Variants in SOX6 observed in about 807,000 individuals in gnomAD.
SOX6 encodes the protein transcription factor SOX-6.
In SOX6, 11 loss-of-function variants were observed where a neutral mutation model predicts 97.8. The observed-to-expected ratio is 0.11, with a 90% CI of 0.07 to 0.19. The LOEUF is 0.19. SOX6 is among the 10% of genes least tolerant of loss of function. SOX6 has a pLI of 1.00. For missense variants in SOX6, 810 were observed against 1,039.5 expected, an observed-to-expected ratio of 0.78 and a Z score of 3.04; for synonymous variants, 360 against 371.4, an observed-to-expected ratio of 0.97 and a Z score of 0.35.
intron 6 of SOX6, among the ~76,000 whole-genome samples, chr11:16,171,851 A>G (rs1047265955): frequency 6.6e-5 from 10 of 152,022 alleles, no homozygotes; most frequent in African/African-American, 2.2e-4. Flanking sequence ...TCTACCACAC[A>G]TCAGAAATGA....
intron 3 of SOX6, among the ~76,000 whole-genome samples, chr11:16,295,493 C>A (rs1266957858): frequency 2.6e-5 from 4 of 152,018 alleles, no homozygotes; most frequent in Non-Finnish European, 5.9e-5. Context: ...ACCACCCCCC[C>A]TCATCTTTCC....
Position 16,186,788 on chromosome 11 carries a change from C to T in SOX6, c.703G>A (p.Glu235Lys). 2 of 1,612,960 alleles carry T rather than the reference C, an allele frequency of 1.2e-6. No homozygotes were observed. The highest frequency in any genetic ancestry group is 2.2e-5 in the East Asian group (1 of 44,876). Residue 235 changes from glutamate to lysine, a missense_variant, in exon 5 of 16, where the codon GAA (glutamate) becomes AAA (lysine). Physicochemically the swap from Glu to Lys is moderately conservative, Grantham distance 56. This residue lies in a region of SOX6 where 110 missense variants were observed against 119.0 expected (regional missense o/e 0.92). Coordinates refer to ENST00000683767, the MANE Select transcript of SOX6 (RefSeq NM_001367873.1). ...QQMDLARQQQ[E>K]QIARQQQQLL... ...GTGCCTTTTGCAGGGCTCACCTGTT[C>T]TTGCTGTTGGCGAGCAAGGTCCATT...
At chr11:16,376,155 T>C (rs139012903) in intron 1 of SOX6, among the ~76,000 whole-genome samples, 473 of 152,282 alleles carry the variant, frequency 3.1e-3, no homozygotes, top group African/African-American at 0.011. Context: ...TCTGCACATG[T>C]ATCCCAGAAC....
intron 4 of SOX6, among the ~76,000 whole-genome samples, chr11:16,574,214 A>G (rs1847962671): frequency 6.6e-6 from 1 of 152,148 alleles, no homozygotes; most frequent in Admixed American, 6.5e-5. Context: ...AGGTGGCAGG[A>G]CCTATTCTAC....
chr11:16,091,713 T>G (rs976112203), intron 9 of SOX6, among the ~76,000 whole-genome samples: 31 of 152,174 alleles, frequency 2.0e-4, no homozygotes, highest in African/African-American at 7.2e-4. Context: ...GTTGACAGGT[T>G]TTCTTAGTGC....
chr11:16,338,460 A>G (rs1368680995), intron 2 of SOX6, among the ~76,000 whole-genome samples: 4 of 152,054 alleles, frequency 2.6e-5, no homozygotes, highest in Non-Finnish European at 5.9e-5. Context: ...TACTTACAGT[A>G]TAAGTCATTA....
intron 4 of SOX6, among the ~76,000 whole-genome samples, chr11:16,511,472 G>A (rs1860878782): frequency 6.6e-6 from 1 of 152,064 alleles, no homozygotes. Context: ...TTCTCTAAAG[G>A]AGATGTTTTT....
intron 4 of SOX6, among the ~76,000 whole-genome samples, chr11:16,602,384 C>T (rs1195128431): frequency 6.6e-6 from 1 of 152,138 alleles, no homozygotes; most frequent in Non-Finnish European, 1.5e-5. Flanking sequence ...TGGTCTTAAA[C>T]TAGACCTAAT....
intron 9 of SOX6, among the ~76,000 whole-genome samples, chr11:16,081,275 A>T (rs1848467170): frequency 6.6e-6 from 1 of 152,084 alleles, no homozygotes. Flanking sequence ...ACTAAGGGCC[A>T]GTGTGGTGTT....
At chr11:16,415,934 C>T (rs1465073444) in intron 1 of SOX6, among the ~76,000 whole-genome samples, 3 of 152,070 alleles carry the variant, frequency 2.0e-5, no homozygotes, top group Non-Finnish European at 2.9e-5. Context: ...CTAGATAGTC[C>T]TTTGATTTTA....
At chr11:15,979,284 T>C (rs571577436) in intron 15 of SOX6, among the ~76,000 whole-genome samples, 1 of 151,898 alleles carries the variant, frequency 6.6e-6, no homozygotes, top group Non-Finnish European at 1.5e-5. Flanking sequence ...TGGTTCTTCT[T>C]CAGGAATACA....
intron 4 of SOX6, among the ~76,000 whole-genome samples, chr11:16,232,166 G>A (rs1852873405): frequency 1.3e-5 from 2 of 151,806 alleles, no homozygotes; most frequent in Admixed American, 1.3e-4. Context: ...AAAATTTCAG[G>A]AAAATGAGAA....
intron 3 of SOX6, among the ~76,000 whole-genome samples, chr11:16,667,661 C>G (rs1180683768): frequency 6.6e-6 from 1 of 152,002 alleles, no homozygotes; most frequent in Non-Finnish European, 1.5e-5. Context: ...AACATGAGAC[C>G]TATCCTACAA....
At chr11:16,071,924 A>C (rs938756108) in intron 9 of SOX6, among the ~76,000 whole-genome samples, 1 of 151,824 alleles carries the variant, frequency 6.6e-6, no homozygotes, top group Non-Finnish European at 1.5e-5. Context: ...AAAAAAAAAA[A>C]GAAAAACATT....
intron 13 of SOX6, among the ~76,000 whole-genome samples, chr11:16,001,415 G>T (rs941836736): frequency 6.6e-6 from 1 of 152,146 alleles, no homozygotes; most frequent in Non-Finnish European, 1.5e-5. Context: ...GCAAGACTCA[G>T]AGACATGATA....
At chr11:16,531,491 A>C (rs190937452) in intron 4 of SOX6, among the ~76,000 whole-genome samples, 2 of 152,040 alleles carry the variant, frequency 1.3e-5, no homozygotes, top group Non-Finnish European at 2.9e-5. Context: ...TAACAAATTT[A>C]ACCTTGCTTA....
intron 9 of SOX6, among the ~76,000 whole-genome samples, chr11:16,069,832 C>T (rs946184467): frequency 1.3e-5 from 2 of 152,038 alleles, no homozygotes; most frequent in Admixed American, 1.3e-4. Context: ...TTCATTAACC[C>T]CTGCAGCCAG....
rs1167219443 is a variant in SOX6, at chr11:16,132,263, GAAA to G, written c.778-20343_778-20341del. ...AGAAAGAAAGGAAGGAAGAAAGAAA[GAAA>G]GAAGGAAGGAAGGAAGGAAGGAAGG... On this transcript the variant is annotated intron_variant, in intron 6 of 15. Transcript: ENST00000683767. 5.2e-5 allele frequency among the ~76,000 whole-genome samples: 5 copies of G among 96,382 alleles called. No individual in the cohort carries two copies. In the South Asian group the frequency reaches 1.3e-3, roughly 26 times the overall value. 63.2% of individuals were successfully genotyped at this position (96,382 alleles called of 152,430 possible). A position where few individuals can be genotyped will look rare whatever the true frequency, so the allele number is the denominator to read the frequency against.
chr11:16,163,255 G>A (rs1052426377), intron 6 of SOX6, among the ~76,000 whole-genome samples: 7 of 152,130 alleles, frequency 4.6e-5, no homozygotes, highest in African/African-American at 1.7e-4. Context: ...GCATGTATTG[G>A]GTAGTGATGT....
Sources: gnomAD v4.1 joint callset for allele counts (sites outside exome capture counted in the v4.1 genomes callset) on GRCh38, gnomAD v4.1.1 for gene constraint, gnomAD v4.1.1 regional missense constraint, MANE v1.5 for transcripts, NCBI Gene and HGNC (gene_info 2026-07-23, HGNC 2026-07-21) for gene names.